The following PRKG1 variants were observed in gnomAD, a reference collection of about 807,000 sequenced individuals.
PRKG1 encodes cGMP-dependent protein kinase 1.
PRKG1 carries 35 observed loss-of-function variants against 88.1 expected under a neutral mutation model. The ratio of observed to expected loss-of-function variants is 0.40; its 90% CI spans 0.30 to 0.53. PRKG1 has a LOEUF of 0.53. Among genes scored for constraint, PRKG1 ranks in the 20% least tolerant of loss-of-function variants. The pLI is 0.59. For synonymous variants in PRKG1, 303 were observed against 292.5 expected, an observed-to-expected ratio of 1.04 and a Z score of -0.37; for missense variants, 540 against 839.8, an observed-to-expected ratio of 0.64 and a Z score of 4.41.
chr10:51,792,710 G>A (rs1276376455), intron 3 of PRKG1, among the ~76,000 whole-genome samples: 1 of 152,062 alleles, frequency 6.6e-6, no homozygotes, highest in Non-Finnish European at 1.5e-5. Flanking sequence ...TGGCACATGT[G>A]ATCCCTCACA....
At chr10:51,566,426 C>T (rs956991135) in intron 3 of PRKG1, among the ~76,000 whole-genome samples, 1 of 152,030 alleles carries the variant, frequency 6.6e-6, no homozygotes, top group Non-Finnish European at 1.5e-5. Flanking sequence ...GTTTTGAGTG[C>T]CTATATGTTC....
At chr10:51,623,325 C>T (rs1335153228) in intron 3 of PRKG1, among the ~76,000 whole-genome samples, 6 of 152,180 alleles carry the variant, frequency 3.9e-5, no homozygotes, top group Non-Finnish European at 7.4e-5. Context: ...TTCAGCCTCC[C>T]AAGTAGCTGG....
chr10:52,008,936 A>G (rs563833096), intron 5 of PRKG1, among the ~76,000 whole-genome samples: 2 of 152,166 alleles, frequency 1.3e-5, no homozygotes, highest in Admixed American at 6.5e-5. Flanking sequence ...ACACATATTT[A>G]TCTCAATAAA....
In PRKG1 at chr10:51,558,919, A is replaced by C. The variant is rs117373438; in HGVS notation, c.592+91083A>C. ...TCTTATCCAAGGTTTCACTTTCTAT[A>C]GTTTCAGTTACCCAGGCTCAACCCA... On this transcript the variant is annotated intron_variant, in intron 3 of 17. Coordinates refer to ENST00000373980, the MANE Select transcript of PRKG1 (RefSeq NM_006258.4). Among the ~76,000 whole-genome samples the C allele has an allele frequency of 6.6e-3, 997 of 152,202 alleles. 27 individuals carry two copies. The East Asian group carries it at 0.1, about 15-fold the overall frequency.
intron 1 of PRKG1, among the ~76,000 whole-genome samples, chr10:51,034,049 C>A (rs952116485): frequency 1.1e-4 from 16 of 152,082 alleles, no homozygotes; most frequent in South Asian, 4.1e-4. Flanking sequence ...GATTAGAATT[C>A]AGATAGAAGA....
intron 1 of PRKG1, among the ~76,000 whole-genome samples, chr10:51,106,410 C>T (rs10822229): frequency 0.2 from 30,243 of 152,018 alleles, 3,276 homozygotes; most frequent in Admixed American, 0.26. Context: ...CACAGCTTTA[C>T]GTGAGGAAGA....
chr10:51,397,129 T>C (rs1837599641), intron 2 of PRKG1, among the ~76,000 whole-genome samples: 1 of 150,558 alleles, frequency 6.6e-6, no homozygotes, highest in Non-Finnish European at 1.5e-5. Flanking sequence ...CTGAGTATTT[T>C]TTTTTTTTTT....
intron 9 of PRKG1, 93 bp downstream of exon 9, chr10:52,162,056 C>CT (rs1434063603): frequency 6.6e-6 from 7 of 1,066,902 alleles, no homozygotes; most frequent in South Asian, 1.4e-5. Context: ...TCCCAACACT[C>CT]TGACAGGAAA....
intron 2 of PRKG1, among the ~76,000 whole-genome samples, chr10:51,272,694 C>G (rs1207591177): frequency 6.6e-6 from 1 of 152,072 alleles, no homozygotes; most frequent in Non-Finnish European, 1.5e-5. Flanking sequence ...GCAGCATGGT[C>G]AGGAAATTTG....
intron 3 of PRKG1, among the ~76,000 whole-genome samples, chr10:51,589,462 A>G (rs529429637): frequency 2.0e-5 from 3 of 152,248 alleles, no homozygotes; most frequent in South Asian, 2.1e-4. Flanking sequence ...CGTCTCTACT[A>G]AAAATACAAA....
chr10:51,330,105 TTTTATTTATTTATTTATTTA>T (rs142962238), intron 2 of PRKG1, among the ~76,000 whole-genome samples: 6 of 130,418 alleles, frequency 4.6e-5, no homozygotes, highest in Middle Eastern at 8.9e-3. Flanking sequence ...ACATTTGCTC[TTTTATTTATTTATTTATTTA>T]TTTATTTATT....
At chr10:51,832,771 T>C (rs1840034029) in intron 4 of PRKG1, among the ~76,000 whole-genome samples, 1 of 152,138 alleles carries the variant, frequency 6.6e-6, no homozygotes, top group South Asian at 2.1e-4. Context: ...GATTGGGGCT[T>C]CTCTGAAGGA....
At chr10:51,712,467 T>G (rs532620656) in intron 3 of PRKG1, among the ~76,000 whole-genome samples, 119 of 152,258 alleles carry the variant, frequency 7.8e-4, no homozygotes, top group African/African-American at 2.6e-3. Flanking sequence ...ACAGTTATTG[T>G]CAAGTTTTGA....
chr10:51,065,376 A>G (rs946301413), intron 1 of PRKG1, among the ~76,000 whole-genome samples: 3 of 152,110 alleles, frequency 2.0e-5, no homozygotes, highest in African/African-American at 7.2e-5. Flanking sequence ...TGAAAAAAGT[A>G]GTTGGATATC....
At chr10:51,601,531 T>C (rs1214591018) in intron 3 of PRKG1, among the ~76,000 whole-genome samples, 2 of 152,078 alleles carry the variant, frequency 1.3e-5, no homozygotes, top group Non-Finnish European at 2.9e-5. Flanking sequence ...CAGAACATCA[T>C]TGATGTGTCC....
chr10:51,089,039 C>T (rs16913685), intron 1 of PRKG1, among the ~76,000 whole-genome samples: 3,129 of 152,228 alleles, frequency 0.021, 92 homozygotes, highest in East Asian at 0.14. Flanking sequence ...ATACTCTCTT[C>T]AACTAGCCCA....
chr10:51,927,518 G>C (rs1232481352), intron 5 of PRKG1, among the ~76,000 whole-genome samples: 2 of 152,170 alleles, frequency 1.3e-5, no homozygotes, highest in African/African-American at 2.4e-5. Flanking sequence ...AATAGTAACA[G>C]TAATATTGCA....
intron 3 of PRKG1, among the ~76,000 whole-genome samples, chr10:51,523,558 A>G (rs1027708785): frequency 6.6e-6 from 1 of 152,176 alleles, no homozygotes; most frequent in Non-Finnish European, 1.5e-5. Context: ...AATTTTCTCC[A>G]TAATTAGTTA....
intron 2 of PRKG1, among the ~76,000 whole-genome samples, chr10:51,250,314 T>G (rs1839396205): frequency 6.6e-6 from 1 of 151,868 alleles, no homozygotes; most frequent in Admixed American, 6.6e-5. Context: ...ACGTATCAAT[T>G]TATGACATTT....
Sources: gnomAD v4.1 joint callset for allele counts (sites outside exome capture counted in the v4.1 genomes callset) on GRCh38, gnomAD v4.1.1 for gene constraint, MANE v1.5 for transcripts, NCBI Gene and HGNC (gene_info 2026-07-23, HGNC 2026-07-21) for gene names.